Variants in USP3 observed in about 807,000 individuals in gnomAD.
USP3 encodes ubiquitin specific peptidase 3, also known as ubiquitin carboxyl-terminal hydrolase 3.
In USP3, 20 loss-of-function variants were observed where a neutral mutation model predicts 72.3. That is an observed-to-expected ratio of 0.28 (90% CI 0.19 to 0.40). The LOEUF (loss-of-function observed/expected upper bound fraction) is 0.40, where lower values mean the gene tolerates loss of function less well. Ranked by LOEUF, USP3 falls within the 10% of genes least tolerant of loss-of-function variation. The pLI is 1.00. For synonymous variants in USP3, 222 were observed against 225.3 expected (o/e 0.99, Z 0.13); for missense variants, 479 against 633.9 (o/e 0.76, Z 2.62).
chr15:63,507,489 G>C (rs947185818), intron 1 of USP3, among the ~76,000 whole-genome samples: 1 of 152,100 alleles, frequency 6.6e-6, no homozygotes, highest in African/African-American at 2.4e-5. Flanking sequence ...TGTATACACT[G>C]TTCTAGTAAT....
chr15:63,510,162 A>G (rs1026316998), intron 1 of USP3, among the ~76,000 whole-genome samples: 4 of 152,178 alleles, frequency 2.6e-5, no homozygotes, highest in Non-Finnish European at 5.9e-5. Context: ...CCTTCAAGCT[A>G]GATTTAGAAA....
At chr15:63,557,496 C>G (rs1040418304) in intron 5 of USP3, among the ~76,000 whole-genome samples, 1 of 152,150 alleles carries the variant, frequency 6.6e-6, no homozygotes, top group African/African-American at 2.4e-5. Flanking sequence ...CTCCTGAGCT[C>G]AGGCAATCCA....
chr15:63,556,983 G>A, intron 5 of USP3: 1 of 372,234 alleles, frequency 2.7e-6, no homozygotes, highest in Non-Finnish European at 5.0e-6. Context: ...CTCTTCCCTA[G>A]AAAACAGTTC....
intron 3 of USP3, chr15:63,551,272 T>TCACAA (rs2066432755): frequency 6.6e-6 from 1 of 152,142 alleles, no homozygotes; most frequent in Non-Finnish European, 1.5e-5. Flanking sequence ...CAATTGCCAT[T>TCACAA]CTTTGTGAAA....
intron 2 of USP3, 31 bp from the exon 3 acceptor site, chr15:63,536,994 T>G (rs371961517): frequency 2.1e-5 from 33 of 1,597,062 alleles, no homozygotes; most frequent in Non-Finnish European, 2.8e-5. Flanking sequence ...AAAGCAATAT[T>G]TAAAGTAAAT....
intron 8 of USP3, among the ~76,000 whole-genome samples, chr15:63,568,032 C>T (rs1440068070): frequency 1.3e-5 from 2 of 152,030 alleles, no homozygotes; most frequent in African/African-American, 2.4e-5. Flanking sequence ...TCTGACGTGA[C>T]AAATGAGAGA....
chr15:63,524,743 ACTT>A (rs1236486842), intron 1 of USP3, among the ~76,000 whole-genome samples: 1 of 152,074 alleles, frequency 6.6e-6, no homozygotes, highest in Non-Finnish European at 1.5e-5. Context: ...GGGTAATTAG[ACTT>A]CTTACATGGC....
At chr15:63,558,070 G>C in intron 5 of USP3, 36 bp from the exon 6 acceptor site, 4 of 1,609,470 alleles carry the variant, frequency 2.5e-6, no homozygotes, top group Non-Finnish European at 3.4e-6. Flanking sequence ...GCCTTCCCTT[G>C]GCATTACTGA....
At chr15:63,558,045 T>C in intron 5 of USP3, 61 bp from the exon 6 acceptor site, 1 of 1,573,830 alleles carries the variant, frequency 6.4e-7, no homozygotes. Flanking sequence ...TTAGCTTTGA[T>C]GTTTGAAACA....
chr15:63,586,845 TGAATTGAGTTGCAGGGAGGCGA>T (rs1470269033), intron 11 of USP3: 1 of 152,116 alleles, frequency 6.6e-6, no homozygotes, highest in Non-Finnish European at 1.5e-5. Flanking sequence ...AAGTGAGAAT[TGAATTGAGTTGCAGGGAGGCGA>T]GAATTGAGTT....
rs1284172608 is a variant in USP3 at position 63,556,681 on chromosome 15, C to T, written c.383C>T (p.Ala128Val). The T allele has an allele frequency of 1.2e-6, 2 of 1,608,102 alleles. No homozygotes were observed. The highest frequency in any genetic ancestry group is 1.3e-5 in the African/African-American group (1 of 74,704). ...TGTTTTAATAGCTCAGCTTTCACAG[C>T]TGACAGGCATAAGAAAAGAAAACTT... ...LQNLENSAFT[A>V]DRHKKRKLLE... Residue 128 changes from alanine to valine, a missense_variant, in exon 5 of 15, where the codon GCT (alanine) becomes GTT (valine). Coordinates refer to ENST00000380324, the MANE Select transcript of USP3 (RefSeq NM_006537.4).
chr15:63,572,725 C>G (rs2066799542), intron 9 of USP3, among the ~76,000 whole-genome samples: 1 of 152,098 alleles, frequency 6.6e-6, no homozygotes, highest in African/African-American at 2.4e-5. Flanking sequence ...ACAGAAACTA[C>G]CTTATATTGC....
chr15:63,588,763 C>G lies in USP3; in HGVS notation c.1277C>G (p.Thr426Arg). The G allele has an allele frequency of 6.2e-7, 1 of 1,614,180 alleles. No homozygotes were observed. Among genetic ancestry groups the G allele is most frequent in the Non-Finnish European group, 8.5e-7 (1 of 1,180,014 alleles). ...WTAYLRNKVD[T>R]YVEFPLRGLD... ...GCATATTTAAGAAATAAAGTTGATA[C>G]ATACGTAGAATTTCCACTGAGAGGC... The change falls in exon 13 of 15, where the codon ACA becomes AGA. Residue 426 changes from threonine to arginine, a missense_variant. Thr to Arg is a moderately conservative substitution (Grantham distance 71). Coordinates refer to ENST00000380324, the MANE Select transcript of USP3 (RefSeq NM_006537.4). The surrounding 1 kb of genome is among the most constrained non-coding windows in gnomAD (Gnocchi z 4.6).
At chr15:63,571,210 G>GCCT (rs2066773588) in intron 9 of USP3, among the ~76,000 whole-genome samples, 1 of 152,192 alleles carries the variant, frequency 6.6e-6, no homozygotes, top group South Asian at 2.1e-4. Context: ...GTCAGTTGCA[G>GCCT]CCTCCTTTGT....
In USP3 at chr15:63,528,399, C is replaced by T. The variant is rs533957095; in HGVS notation, c.92-4248C>T. ...TGTATTAAAGAGCCCTTATAAATTC[C>T]CAGACTTAACTTTTTAAGCCTTCAC... On this transcript the variant is annotated intron_variant, in intron 1 of 14. Coordinates refer to ENST00000380324, the MANE Select transcript of USP3 (RefSeq NM_006537.4). The surrounding 1 kb of genome is among the most constrained non-coding windows in gnomAD (Gnocchi z 4.3). Among the ~76,000 whole-genome samples the T allele has an allele frequency of 2.8e-4, 42 of 152,130 alleles. 1 individual carries two copies. Among genetic ancestry groups the T allele is most frequent in the African/African-American group, 9.2e-4 (38 of 41,424 alleles).
intron 6 of USP3, among the ~76,000 whole-genome samples, chr15:63,559,493 C>T (rs564679195): frequency 5.3e-5 from 8 of 152,194 alleles, no homozygotes; most frequent in South Asian, 4.1e-4. Context: ...ATAATATGGT[C>T]GGTTTCATGG....
Position 63,508,438 on chromosome 15 carries a change from A to G in USP3, c.91+3608A>G, listed in dbSNP as rs192132423. Reference sequence around the variant, plus strand: ...TAATCTAGCTGGGGGAGAGACAGGAAGCTAACTAGTTAGAAGATACATCCA... The same window carrying G: ...TAATCTAGCTGGGGGAGAGACAGGAGGCTAACTAGTTAGAAGATACATCCA... On this transcript the variant is annotated intron_variant, in intron 1 of 14. Coordinates refer to ENST00000380324, the MANE Select transcript of USP3 (RefSeq NM_006537.4). Among the ~76,000 whole-genome samples the G allele has an allele frequency of 7.0e-4, 107 of 152,304 alleles. No homozygotes were observed. The South Asian group carries it at 9.3e-3, about 13-fold the overall frequency.
At position 63,544,436 on chromosome 15, in the gene USP3, A is replaced by T; in HGVS notation, c.284+7280A>T. ...AACTAGTGAAAGGGGAAGTAGCTGG[A>T]TTTCAATCCAAAGTTATTGTTTTGA... On this transcript the variant is annotated intron_variant, in intron 3 of 14. Coordinates refer to ENST00000380324, the MANE Select transcript of USP3 (RefSeq NM_006537.4). The surrounding 1 kb of genome is among the most constrained non-coding windows in gnomAD (Gnocchi z 4.2). 1 of 437,422 alleles carries T rather than the reference A, an allele frequency of 2.3e-6. No individual in the cohort carries two copies. The highest frequency in any genetic ancestry group is 4.1e-6 in the Non-Finnish European group (1 of 245,950). 27.1% of individuals were successfully genotyped at this position (437,422 alleles called of 1,614,324 possible). A position where few individuals can be genotyped will look rare whatever the true frequency, so the allele number is the denominator to read the frequency against.
intron 8 of USP3, among the ~76,000 whole-genome samples, chr15:63,564,648 CCTACT>C (rs2066659422): frequency 6.6e-6 from 1 of 152,206 alleles, no homozygotes; most frequent in Non-Finnish European, 1.5e-5. Flanking sequence ...TTGGAATATT[CCTACT>C]GATGAAGGAA....
Sources: gnomAD v4.1 joint callset for allele counts (sites outside exome capture counted in the v4.1 genomes callset) on GRCh38, gnomAD v4.1.1 for gene constraint, Gnocchi (gnomAD v3.1) non-coding constraint, MANE v1.5 for transcripts, NCBI Gene and HGNC (gene_info 2026-07-23, HGNC 2026-07-21) for gene names.